The following LARGE1 variants were observed in gnomAD, a reference collection of about 807,000 sequenced individuals.
LARGE1 encodes the protein xylosyl- and glucuronyltransferase LARGE1.
A neutral mutation model predicts 87.6 loss-of-function variants in LARGE1; 43 were observed. That is an observed-to-expected ratio of 0.49 (90% CI 0.38 to 0.63). LARGE1 has a LOEUF of 0.63. Ranked by LOEUF, LARGE1 falls within the 30% of genes least tolerant of loss-of-function variation. The pLI is 0.00. For synonymous variants in LARGE1, 434 were observed against 394.6 expected (o/e 1.10, Z -1.18); for missense variants, 802 against 1,000.2 (o/e 0.80, Z 2.67).
intron 7 of LARGE1, among the ~76,000 whole-genome samples, chr22:33,415,173 T>C (rs2066441304): frequency 1.3e-5 from 2 of 152,202 alleles, no homozygotes; most frequent in Admixed American, 1.3e-4. Context: ...GATGCTCCAG[T>C]TCACAGACAA....
intron 6 of LARGE1, among the ~76,000 whole-genome samples, chr22:33,541,073 G>A (rs1365327969): frequency 1.0e-5 from 1 of 99,382 alleles, no homozygotes. Flanking sequence ...GGGGGCGGGG[G>A]GCGGGTTGCA....
chr22:33,291,555 A>C (rs931644116), intron 12 of LARGE1, among the ~76,000 whole-genome samples: 8 of 151,452 alleles, frequency 5.3e-5, no homozygotes, highest in Admixed American at 4.6e-4. Context: ...GGAGGTGTTT[A>C]GGTCATGAGG....
At chr22:33,264,889 C>CTTTTTTTTTTTTTTTTTTTTTTTTTT (rs200074908) in intron 11 of LARGE1, among the ~76,000 whole-genome samples, 1 of 74,374 alleles carries the variant, frequency 1.3e-5, no homozygotes. Context: ...TGATCAAATT[C>CTTTTTTTTTTTTTTTTTTTTTTTTTT]TTTTTTTTTT....
chr22:33,282,874 T>C (rs1930724654), intron 13 of LARGE1, among the ~76,000 whole-genome samples: 1 of 152,114 alleles, frequency 6.6e-6, no homozygotes, highest in Non-Finnish European at 1.5e-5. Flanking sequence ...AGCCAGGAGA[T>C]GGCAGCAGGA....
chr22:33,333,337 G>T (rs1054559894), intron 10 of LARGE1, among the ~76,000 whole-genome samples: 1 of 152,130 alleles, frequency 6.6e-6, no homozygotes, highest in Non-Finnish European at 1.5e-5. Context: ...TCCTTTAAGT[G>T]GTCCCTCCAG....
chr22:33,686,473 G>A (rs2081946015), intron 2 of LARGE1, among the ~76,000 whole-genome samples: 1 of 150,102 alleles, frequency 6.7e-6, no homozygotes, highest in Non-Finnish European at 1.5e-5. Context: ...AACCTGGGAG[G>A]CAGACGTTGC....
At chr22:33,674,511 G>GAA (rs1272713593) in intron 2 of LARGE1, among the ~76,000 whole-genome samples, 1 of 152,132 alleles carries the variant, frequency 6.6e-6, no homozygotes, top group Non-Finnish European at 1.5e-5. Context: ...AGACTAAGGC[G>GAA]AAACTCTTTT....
chr22:33,573,581 G>C (rs1475150304), intron 5 of LARGE1, among the ~76,000 whole-genome samples: 1 of 152,162 alleles, frequency 6.6e-6, no homozygotes, highest in East Asian at 1.9e-4. Flanking sequence ...GAGGGCGAGG[G>C]ACCAGGGTCC....
At chr22:33,517,590 T>C (rs5994766) in intron 6 of LARGE1, among the ~76,000 whole-genome samples, 17,283 of 146,840 alleles carry the variant, frequency 0.12, 1,296 homozygotes, top group Admixed American at 0.25. Context: ...TTAGTAGAGA[T>C]GGGGTTTCAC....
intron 1 of LARGE1, among the ~76,000 whole-genome samples, chr22:33,765,509 G>A (rs938204205): frequency 1.1e-4 from 16 of 151,768 alleles, no homozygotes; most frequent in Non-Finnish European, 2.1e-4. Context: ...TTCAAAACCC[G>A]CCTAGCCAAC....
chr22:33,629,300 C>T (rs572501479), intron 3 of LARGE1, among the ~76,000 whole-genome samples: 11 of 152,238 alleles, frequency 7.2e-5, no homozygotes, highest in South Asian at 4.1e-4. Flanking sequence ...TCTTCAGAAT[C>T]GCAAATATTT....
chr22:33,330,230 G>C (rs1267890362), intron 10 of LARGE1, among the ~76,000 whole-genome samples: 4 of 152,122 alleles, frequency 2.6e-5, no homozygotes, highest in Admixed American at 1.3e-4. Context: ...GAAGGATTCT[G>C]AATAGAAAAA....
At chr22:33,561,906 G>A (rs546705833) in intron 6 of LARGE1, among the ~76,000 whole-genome samples, 3 of 152,288 alleles carry the variant, frequency 2.0e-5, no homozygotes, top group African/African-American at 7.2e-5. Flanking sequence ...TCCCGGTAAT[G>A]AATTTAGGAA....
chr22:33,547,840 A>T (rs1346848676), intron 6 of LARGE1, among the ~76,000 whole-genome samples: 1 of 150,602 alleles, frequency 6.6e-6, no homozygotes, highest in Admixed American at 6.6e-5. Context: ...TCTCTAAAAA[A>T]ATGTACCATA....
At chr22:33,840,493 T>C (rs998626999) in intron 1 of LARGE1, among the ~76,000 whole-genome samples, 2 of 152,224 alleles carry the variant, frequency 1.3e-5, no homozygotes, top group South Asian at 2.1e-4. Flanking sequence ...TGTTGATTTA[T>C]TTCTCACACA....
rs148894596 is a variant in LARGE1 at position 33,247,791 on chromosome 22, G to A, written c.1730+56438C>T. ...TGTGGAGCCCGGACATATATCTCAA[G>A]CTATTCATTATCAAGCTAGACATAG... On this transcript the variant is annotated intron_variant, in intron 11 of 11. Transcript: ENST00000608642. Among the ~76,000 whole-genome samples, 505 of 152,288 alleles carry A rather than the reference G, an allele frequency of 3.3e-3. 3 individuals are homozygous for A. Among genetic ancestry groups the A allele is most frequent in the African/African-American group, 0.012 (485 of 41,564 alleles).
At chr22:33,747,546 C>T (rs893623336) in intron 2 of LARGE1, 2 of 152,540 alleles carry the variant, frequency 1.3e-5, no homozygotes, top group Non-Finnish European at 2.9e-5. Context: ...TCCCTTTCCC[C>T]ACTCCTCACC....
At chr22:33,618,142 C>T (rs2079634178) in intron 4 of LARGE1, among the ~76,000 whole-genome samples, 1 of 152,224 alleles carries the variant, frequency 6.6e-6, no homozygotes, top group Non-Finnish European at 1.5e-5. Flanking sequence ...GGACTCATTT[C>T]AGAAAATCAC....
intron 3 of LARGE1, among the ~76,000 whole-genome samples, chr22:33,635,907 T>C (rs945685773): frequency 6.6e-6 from 1 of 152,212 alleles, no homozygotes; most frequent in Non-Finnish European, 1.5e-5. Flanking sequence ...CAGAAGTAGA[T>C]GCACCACCTG....
Sources: gnomAD v4.1 joint callset for allele counts (sites outside exome capture counted in the v4.1 genomes callset) on GRCh38, gnomAD v4.1.1 for gene constraint, MANE v1.5 for transcripts, NCBI Gene and HGNC (gene_info 2026-07-23, HGNC 2026-07-21) for gene names.